The following KDM7A variants were observed in gnomAD, a reference collection of about 807,000 sequenced individuals.
The protein encoded by KDM7A is lysine demethylase 7A.
KDM7A carries 28 observed loss-of-function variants against 114.8 expected under a neutral mutation model. The ratio of observed to expected loss-of-function variants is 0.24; its 90% CI spans 0.18 to 0.33. The LOEUF is 0.33. Among genes scored for constraint, KDM7A ranks in the 10% least tolerant of loss-of-function variants. The pLI is 1.00. For missense variants in KDM7A, 942 were observed against 1,142.5 expected, an observed-to-expected ratio of 0.82 and a Z score of 2.53; for synonymous variants, 423 against 397.8, an observed-to-expected ratio of 1.06 and a Z score of -0.75.
chr7:140,146,882 T>G (rs1794345136), intron 1 of KDM7A, among the ~76,000 whole-genome samples: 1 of 152,198 alleles, frequency 6.6e-6, no homozygotes, highest in Admixed American at 6.5e-5. Context: ...ACGTTCTCTT[T>G]TTTCCTCTCG....
chr7:140,102,255 A>C (rs1818243139), intron 11 of KDM7A, 95 bp from the exon 12 acceptor site: 1 of 933,316 alleles, frequency 1.1e-6, no homozygotes, highest in East Asian at 2.5e-5. Flanking sequence ...GAAAACAAAA[A>C]CCATTCAGTT....
chr7:140,100,715 T>TATATATATATATATATATATACACAC (rs1562946073), intron 12 of KDM7A, among the ~76,000 whole-genome samples: 5 of 49,074 alleles, frequency 1.0e-4, no homozygotes, highest in East Asian at 1.1e-3. Flanking sequence ...TATACACATA[T>TATATATATATATATATATATACACAC]ATATATATAT....
In KDM7A at chr7:140,135,026, G is replaced by A. The variant is rs1259494950; in HGVS notation, c.281-1370C>T. On this transcript the variant is annotated intron_variant, in intron 2 of 19. Transcript: ENST00000397560. ...AGCCAAATCTTCAATATGGAAGAGC[G>A]TAAGTCCCATTAAAAAAAAAAAAAA... Among the ~76,000 whole-genome samples the A allele has an allele frequency of 1.0e-4, 13 of 127,006 alleles. No homozygotes were observed. The South Asian group carries it at 1.8e-3, about 17-fold the overall frequency. 83.3% of individuals were successfully genotyped at this position (127,006 alleles called of 152,430 possible).
chr7:140,126,585 C>A, intron 6 of KDM7A, 52 bp downstream of exon 6: 4 of 1,067,662 alleles, frequency 3.7e-6, no homozygotes, highest in Admixed American at 2.7e-5. Flanking sequence ...CACTGAAAAA[C>A]TAGGGCTATA....
intron 18 of KDM7A, among the ~76,000 whole-genome samples, chr7:140,093,054 A>G (rs571132952): frequency 6.6e-6 from 1 of 152,380 alleles, no homozygotes; most frequent in African/African-American, 2.4e-5. Flanking sequence ...TTTAGAAAAT[A>G]TAGACAAGCC....
intron 8 of KDM7A, among the ~76,000 whole-genome samples, chr7:140,119,784 G>C (rs1818590069): frequency 6.6e-6 from 1 of 152,190 alleles, no homozygotes; most frequent in Non-Finnish European, 1.5e-5. Flanking sequence ...GCCACACACA[G>C]ATGCATAGCT....
chr7:140,099,175 G>A (rs1818161937), intron 13 of KDM7A, 142 bp from the exon 14 acceptor site: 4 of 697,240 alleles, frequency 5.7e-6, no homozygotes, highest in South Asian at 4.1e-5. Context: ...AATAGTATGC[G>A]CTAGGGATCT....
rs763966879 is a variant in KDM7A, at chr7:140,091,192, T to C, written c.2732-4A>G. ...ATTCCTTTTTTTGGACGTTTACCTA[T>C]AAAACACCAAAAGGGAGTGTAAGTA... On this transcript the variant is annotated splice_region_variant and splice_polypyrimidine_tract_variant and intron_variant, in intron 19 of 19. Coordinates refer to ENST00000397560, the MANE Select transcript of KDM7A (RefSeq NM_030647.2). The C allele has an allele frequency of 8.1e-6, 13 of 1,596,788 alleles. No individual in the cohort carries two copies. The highest frequency in any genetic ancestry group is 1.1e-5 in the South Asian group (1 of 90,752).
intron 18 of KDM7A, among the ~76,000 whole-genome samples, chr7:140,093,439 T>TTA (rs1818055614): frequency 6.6e-6 from 1 of 152,244 alleles, no homozygotes; most frequent in Admixed American, 6.5e-5. Context: ...ACTTTCTTTC[T>TTA]TATGTGTGCT....
intron 2 of KDM7A, among the ~76,000 whole-genome samples, chr7:140,134,421 T>C (rs1342658590): frequency 6.6e-6 from 1 of 152,134 alleles, no homozygotes; most frequent in Non-Finnish European, 1.5e-5. Flanking sequence ...ATTTTCAAAC[T>C]GTGTGGAAGA....
intron 1 of KDM7A, among the ~76,000 whole-genome samples, chr7:140,168,381 C>G (rs1464499578): frequency 6.6e-6 from 1 of 152,064 alleles, no homozygotes; most frequent in African/African-American, 2.4e-5. Context: ...GCCTGACCAA[C>G]ATGGTGAAAC....
intron 1 of KDM7A, among the ~76,000 whole-genome samples, chr7:140,153,353 G>A (rs779503319): frequency 1.6e-4 from 24 of 151,850 alleles, no homozygotes; most frequent in Non-Finnish European, 2.1e-4. Flanking sequence ...GGGCGTGGTG[G>A]CAGGCACCTG....
At chr7:140,101,838 G>T in intron 12 of KDM7A, 113 bp downstream of exon 12, 1 of 724,298 alleles carries the variant, frequency 1.4e-6, no homozygotes, top group Non-Finnish European at 2.4e-6. Context: ...TCCCTACAAT[G>T]CTGCAGCCAA....
At position 140,096,686 on chromosome 7, in the gene KDM7A, G is replaced by C. The variant is rs778505695; in HGVS notation, c.2243C>G (p.Thr748Arg). The C allele has an allele frequency of 1.9e-6, 3 of 1,614,140 alleles. No homozygotes were observed. The highest frequency in any genetic ancestry group is 1.7e-6 in the Non-Finnish European group (2 of 1,179,998). The change falls in exon 17 of 20, where the codon ACG becomes AGG. Residue 748 changes from threonine (T) to arginine (R), a missense_variant. Thr to Arg is a moderately conservative substitution (Grantham distance 71). Coordinates refer to ENST00000397560, the MANE Select transcript of KDM7A (RefSeq NM_030647.2). ...MLSMAGLHYS[T>R]CLQRQIQSTD... is the part of the protein sequence containing the mutation. ...GCTTTGTATTTGCCTTTGTAAACACGTGGAATAGTGCAACCCTGCCATAGA... is the reference window on the plus strand; with the variant it reads ...GCTTTGTATTTGCCTTTGTAAACACCTGGAATAGTGCAACCCTGCCATAGA...
intron 1 of KDM7A, among the ~76,000 whole-genome samples, chr7:140,143,488 TAAA>T (rs1794307965): frequency 6.6e-6 from 1 of 152,032 alleles, no homozygotes; most frequent in Non-Finnish European, 1.5e-5. Flanking sequence ...AAATACTAAA[TAAA>T]AATACACAAC....
intron 1 of KDM7A, among the ~76,000 whole-genome samples, chr7:140,152,853 A>G (rs1427335104): frequency 6.6e-6 from 1 of 152,016 alleles, no homozygotes; most frequent in Non-Finnish European, 1.5e-5. Flanking sequence ...GGTTCCTCAA[A>G]GTCCATTTTG....
intron 1 of KDM7A, among the ~76,000 whole-genome samples, chr7:140,174,936 A>C (rs1794685208): frequency 6.6e-6 from 1 of 151,890 alleles, no homozygotes; most frequent in African/African-American, 2.4e-5. Flanking sequence ...TATGCAGTTT[A>C]AACCGCCTCA....
intron 11 of KDM7A, among the ~76,000 whole-genome samples, chr7:140,103,796 C>A (rs533106674): frequency 6.6e-6 from 1 of 152,284 alleles, no homozygotes; most frequent in Admixed American, 6.5e-5. Context: ...TTTATAGCAG[C>A]ATGACTTATA....
intron 12 of KDM7A, 89 bp from the exon 13 acceptor site, chr7:140,100,112 A>C: frequency 5.2e-6 from 7 of 1,345,278 alleles, no homozygotes; most frequent in Non-Finnish European, 5.2e-6. Flanking sequence ...CACCTCCCCC[A>C]TGGTCCTGCA....
Sources: gnomAD v4.1 joint callset for allele counts (sites outside exome capture counted in the v4.1 genomes callset) on GRCh38, gnomAD v4.1.1 for gene constraint, MANE v1.5 for transcripts, NCBI Gene and HGNC (gene_info 2026-07-23, HGNC 2026-07-21) for gene names.